Variants in NFASC observed in about 807,000 individuals in gnomAD.
NFASC encodes the protein neurofascin, also known as neurofascin homolog.
NFASC carries 43 observed loss-of-function variants against 147.5 expected under a neutral mutation model. That is an observed-to-expected ratio of 0.29 (90% confidence interval 0.23 to 0.38). The LOEUF (loss-of-function observed/expected upper bound fraction) is 0.38. Ranked by LOEUF, NFASC falls within the 10% of genes least tolerant of loss-of-function variation. NFASC has a pLI of 1.00. For synonymous variants in NFASC, 622 were observed against 665.5 expected (o/e 0.93, Z 1.01); for missense variants, 1,320 against 1,689.0 (o/e 0.78, Z 3.83).
At position 204,977,093 on chromosome 1, in the gene NFASC, TC is replaced by T. The variant is rs1018210910; in HGVS notation, c.1831+299del. ...TTTCTCGTTGTGATCATTTTACCTT[TC>T]TTACAGCTAACTCCACCACTAAGTC... is the stretch of plus-strand genomic sequence containing the variant. On this transcript the variant is annotated intron_variant, in intron 16 of 29. Coordinates refer to ENST00000339876, the MANE Select transcript of NFASC (RefSeq NM_001005388.3). 42 of 1,207,390 alleles carry T rather than the reference TC, an allele frequency of 3.5e-5. No homozygotes were observed. In the African/African-American group the frequency reaches 6.4e-4, roughly 18 times the overall value. 74.8% of individuals were successfully genotyped at this position (1,207,390 alleles called of 1,614,324 possible).
chr1:204,929,614 G>A (rs1351473846), intron 2 of NFASC: 2 of 152,422 alleles, frequency 1.3e-5, no homozygotes, highest in Non-Finnish European at 2.9e-5. Flanking sequence ...TTTCTTAGAA[G>A]TTGCTGAGAC....
At chr1:204,981,409 G>C (rs920312503) in intron 20 of NFASC, among the ~76,000 whole-genome samples, 7 of 152,282 alleles carry the variant, frequency 4.6e-5, no homozygotes, top group Non-Finnish European at 8.8e-5. Flanking sequence ...GAGCCATGCT[G>C]TGGTTAACCA....
chr1:204,997,319 G>A lies in NFASC; in HGVS notation c.2932G>A (p.Ala978Thr), dbSNP rs758356374. The change falls in exon 25 of 30, where the codon GCC becomes ACC. Residue 978 changes from alanine (A) to threonine (T), a missense_variant. Ala to Thr is a moderately conservative substitution (Grantham distance 58, BLOSUM62 0). Around this residue, in one of 3 missense-constraint regions of NFASC, gnomAD observed 172 missense variants for 165.8 expected, o/e 1.04. Transcript: ENST00000339876. ...CACCATCGCCACCACCACCACCGTC[G>A]CCACAACTACTACAACCACTGCTGC... ...PTTIATTTTVATTTTTTAAAT... is the reference protein window; with the variant it reads ...PTTIATTTTVTTTTTTTAAAT... 5.2e-5 allele frequency: 82 copies of A among 1,581,928 alleles called. No individual in the cohort carries two copies. Among genetic ancestry groups the A allele is most frequent in the East Asian group, 2.4e-4 (10 of 42,552 alleles).
At chr1:204,844,925 T>C (rs1676504989) in intron 1 of NFASC, among the ~76,000 whole-genome samples, 1 of 152,110 alleles carries the variant, frequency 6.6e-6, no homozygotes, top group African/African-American at 2.4e-5. Context: ...TTTCTGTAGC[T>C]GCAGGCATAT....
chr1:204,935,857 T>C (rs764576185), intron 2 of NFASC, among the ~76,000 whole-genome samples: 1 of 151,988 alleles, frequency 6.6e-6, no homozygotes, highest in African/African-American at 2.4e-5. Flanking sequence ...GGGCACAGGG[T>C]TTTTGAATAT....
rs144086724 is a variant in NFASC, at chr1:204,995,203, G to A, written c.2783-1967G>A. On this transcript the variant is annotated intron_variant, in intron 24 of 29. Transcript: ENST00000339876. ...GTCTGTGCCAGCAGCACAGAGCAGC[G>A]GAAAGAGCCCATGTGTGTCTATGGC... is the stretch of plus-strand genomic sequence containing the variant. 2.1e-4 allele frequency among the ~76,000 whole-genome samples: 32 copies of A among 152,262 alleles called. No individual in the cohort carries two copies. In the South Asian group the frequency reaches 2.5e-3, roughly 12 times the overall value.
At chr1:204,843,564 C>T (rs906860428) in intron 1 of NFASC, among the ~76,000 whole-genome samples, 2 of 150,580 alleles carry the variant, frequency 1.3e-5, no homozygotes, top group African/African-American at 4.9e-5. Flanking sequence ...TCTCTCTCTC[C>T]CTTCTCTCCT....
At chr1:204,888,515 C>T (rs1039269714) in intron 1 of NFASC, among the ~76,000 whole-genome samples, 1 of 152,190 alleles carries the variant, frequency 6.6e-6, no homozygotes, top group Non-Finnish European at 1.5e-5. Context: ...ACAGAGGGGA[C>T]TTCCTTATGC....
chr1:204,872,113 C>T (rs905950714), intron 1 of NFASC, among the ~76,000 whole-genome samples: 1 of 152,192 alleles, frequency 6.6e-6, no homozygotes, highest in Non-Finnish European at 1.5e-5. Context: ...ACTGATGATC[C>T]CAGGTTATTG....
intron 3 of NFASC, chr1:204,947,292 GTC>G (rs993886090): frequency 5.7e-6 from 1 of 174,410 alleles, no homozygotes; most frequent in African/African-American, 2.4e-5. Context: ...TCCTCAGCAG[GTC>G]TCTCCATCTC....
intron 1 of NFASC, among the ~76,000 whole-genome samples, chr1:204,853,489 T>C (rs774830758): frequency 6.6e-6 from 1 of 152,232 alleles, no homozygotes; most frequent in Non-Finnish European, 1.5e-5. Flanking sequence ...ACCTAGGGCT[T>C]AGTCACTGGC....
At position 204,846,953 on chromosome 1, in the gene NFASC, G is replaced by GTCTGTGTGTC. The variant is rs1553374671; in HGVS notation, c.-200+18172_-200+18173insCTGTGTGTCT. 3.1e-5 allele frequency among the ~76,000 whole-genome samples: 4 copies of GTCTGTGTGTC among 130,730 alleles called. No individual in the cohort carries two copies. In the East Asian group the frequency reaches 8.7e-4, roughly 28 times the overall value. The allele number at this position is 130,730 out of a possible 152,430, so 85.8% of individuals were successfully genotyped here. On this transcript the variant is annotated intron_variant, in intron 1 of 29. Coordinates refer to ENST00000339876, the MANE Select transcript of NFASC (RefSeq NM_001005388.3). ...GACTGCTGCCTGTGTGTGTGTACGC[G>GTCTGTGTGTC]TGTGTGTGTGTGTGTGTGTGTGTGT...
At chr1:204,852,919 G>T (rs538719270) in intron 1 of NFASC, among the ~76,000 whole-genome samples, 1 of 152,106 alleles carries the variant, frequency 6.6e-6, no homozygotes, top group Non-Finnish European at 1.5e-5. Context: ...AGAGGCTGAC[G>T]GTCTGGTCTG....
rs201305510 is a variant in NFASC, at chr1:204,907,567, G to A, written c.-199-13065G>A. Among the ~76,000 whole-genome samples the A allele has an allele frequency of 7.9e-5, 12 of 152,270 alleles. 1 individual carries two copies. The East Asian group carries it at 1.5e-3, about 20-fold the overall frequency. On this transcript the variant is annotated intron_variant, in intron 1 of 29. Coordinates refer to ENST00000339876, the MANE Select transcript of NFASC (RefSeq NM_001005388.3). Reference sequence around the variant, plus strand: ...ACCAACAATCACTCTGGCACCTTGCGAAGATATTGGCTCTCTGCATTGCTT... The same window carrying A: ...ACCAACAATCACTCTGGCACCTTGCAAAGATATTGGCTCTCTGCATTGCTT...
chr1:204,906,794 T>C (rs774351395), intron 1 of NFASC, among the ~76,000 whole-genome samples: 3 of 150,838 alleles, frequency 2.0e-5, no homozygotes, highest in African/African-American at 7.4e-5. Flanking sequence ...GCCATTCTCC[T>C]GCCTCAGCCT....
chr1:204,876,996 G>GTATATATATATATATATA (rs60582969), intron 1 of NFASC, among the ~76,000 whole-genome samples: 3 of 74,656 alleles, frequency 4.0e-5, no homozygotes, highest in African/African-American at 1.7e-4. Flanking sequence ...GGCTAAATAT[G>GTATATATATATATATATA]TATATATATA....
intron 7 of NFASC, among the ~76,000 whole-genome samples, chr1:204,957,169 T>G (rs1398603117): frequency 6.6e-6 from 1 of 152,250 alleles, no homozygotes; most frequent in African/African-American, 2.4e-5. Context: ...TCAATTTCAT[T>G]TAATTCAGCA....
intron 1 of NFASC, among the ~76,000 whole-genome samples, chr1:204,873,441 A>C (rs1193947406): frequency 6.6e-6 from 1 of 152,204 alleles, no homozygotes; most frequent in African/African-American, 2.4e-5. Context: ...TTAGAGAAGA[A>C]GCCCGAGAGA....
chr1:205,009,808 A>C (rs1013476613), intron 28 of NFASC, 120 bp downstream of exon 28: 2 of 1,077,964 alleles, frequency 1.9e-6, no homozygotes, highest in African/African-American at 3.1e-5. Context: ...CCTTGCCCGG[A>C]TTGGAAATAC....
Sources: allele counts gnomAD v4.1 joint callset (sites outside exome capture counted in the v4.1 genomes callset), GRCh38; gene constraint gnomAD v4.1.1; regional missense constraint gnomAD v4.1.1; transcripts MANE v1.5; gene names NCBI Gene and HGNC (gene_info 2026-07-23, HGNC 2026-07-21).